The following LIMCH1 variants were observed in gnomAD, a reference collection of about 807,000 sequenced individuals.
LIMCH1 encodes the protein LIM and calponin homology domains-containing protein 1.
Under a neutral mutation model 176.5 loss-of-function variants are expected in LIMCH1, and 113 were observed. That is an observed-to-expected ratio of 0.64 (90% CI 0.55 to 0.75). The LOEUF (loss-of-function observed/expected upper bound fraction) is 0.75, where lower values mean the gene tolerates loss of function less well. LIMCH1 is among the 30% of genes least tolerant of loss of function. The pLI is 0.00. For missense variants in LIMCH1, 1,674 were observed against 1,814.9 expected, an observed-to-expected ratio of 0.92 and a Z score of 1.41; for synonymous variants, 619 against 645.9, an observed-to-expected ratio of 0.96 and a Z score of 0.63.
rs528562398 is a variant in LIMCH1 at position 41,503,948 on chromosome 4, G to A, written c.167+9342G>A. Among the ~76,000 whole-genome samples the A allele has an allele frequency of 5.3e-5, 8 of 152,154 alleles. 1 individual carries two copies. Among genetic ancestry groups the A allele is most frequent in the African/African-American group, 1.4e-4 (6 of 41,500 alleles). Reference sequence around the variant, plus strand: ...CACGTTTCCCAACTCTTCTGCCTCCGAGCACTTGGAGTTGCGAGAGAGACC... The same window carrying A: ...CACGTTTCCCAACTCTTCTGCCTCCAAGCACTTGGAGTTGCGAGAGAGACC... On this transcript the variant is annotated intron_variant, in intron 2 of 26. Coordinates refer to the LIMCH1 transcript ENST00000313860.
chr4:41,489,092 C>T (rs1406876264), intron 1 of LIMCH1, among the ~76,000 whole-genome samples: 10 of 151,992 alleles, frequency 6.6e-5, no homozygotes, highest in Admixed American at 6.6e-4. Context: ...TCTTGTTATC[C>T]TTTTAGTATC....
chr4:41,563,203 C>T (rs1040421382), intron 1 of LIMCH1, among the ~76,000 whole-genome samples: 1 of 152,108 alleles, frequency 6.6e-6, no homozygotes, highest in Non-Finnish European at 1.5e-5. Context: ...GTCACAGAGC[C>T]TCTCCCATAC....
At chr4:41,614,174 C>T (rs2152802121) in intron 5 of LIMCH1, among the ~76,000 whole-genome samples, 1 of 152,344 alleles carries the variant, frequency 6.6e-6, no homozygotes, top group East Asian at 1.9e-4. Context: ...TGATACCTGA[C>T]TGGTATAGCT....
intron 1 of LIMCH1, among the ~76,000 whole-genome samples, chr4:41,595,513 A>G (rs891354761): frequency 6.6e-6 from 1 of 152,236 alleles, no homozygotes; most frequent in African/African-American, 2.4e-5. Context: ...CTACTCCTCT[A>G]GAAAATGGAG....
intron 26 of LIMCH1, among the ~76,000 whole-genome samples, chr4:41,682,907 C>T (rs1717424101): frequency 6.6e-6 from 1 of 152,094 alleles, no homozygotes; most frequent in Non-Finnish European, 1.5e-5. Context: ...GAACTCCTGA[C>T]CTCAGGTGAT....
chr4:41,436,605 TA>T (rs1275143547), intron 1 of LIMCH1, among the ~76,000 whole-genome samples: 3 of 152,154 alleles, frequency 2.0e-5, no homozygotes, highest in Non-Finnish European at 1.5e-5. Context: ...GTAAAGTGAT[TA>T]AAATAATGGC....
intron 19 of LIMCH1, among the ~76,000 whole-genome samples, chr4:41,662,379 C>G (rs980642631): frequency 1.3e-5 from 2 of 152,058 alleles, no homozygotes; most frequent in African/African-American, 2.4e-5. Context: ...TAACACATTC[C>G]AATTAAGAAA....
At chr4:41,367,680 A>C (rs553970969) in intron 1 of LIMCH1, among the ~76,000 whole-genome samples, 1 of 132,546 alleles carries the variant, frequency 7.5e-6, no homozygotes, top group Non-Finnish European at 1.6e-5. Context: ...CTCTACTAAA[A>C]ATCCAAAAAA....
At chr4:41,456,068 T>G (rs964226082) in intron 1 of LIMCH1, among the ~76,000 whole-genome samples, 1 of 152,172 alleles carries the variant, frequency 6.6e-6, no homozygotes, top group East Asian at 1.9e-4. Flanking sequence ...CCTGCATGAG[T>G]TCTTGTAATA....
chr4:41,548,297 C>T (rs138013898), intron 1 of LIMCH1, among the ~76,000 whole-genome samples: 5 of 152,026 alleles, frequency 3.3e-5, no homozygotes, highest in Non-Finnish European at 4.4e-5. Flanking sequence ...TTGTAAAATG[C>T]GAGTGTTGAA....
chr4:41,619,065 T>A, intron 5 of LIMCH1, 123 bp from the exon 6 acceptor site: 1 of 1,105,956 alleles, frequency 9.0e-7, no homozygotes, highest in Non-Finnish European at 1.3e-6. Flanking sequence ...ATTTGTTAAG[T>A]GAATGATTTA....
chr4:41,634,259 G>A (rs1377822570), intron 13 of LIMCH1, among the ~76,000 whole-genome samples: 1 of 152,198 alleles, frequency 6.6e-6, no homozygotes, highest in Non-Finnish European at 1.5e-5. Context: ...TTGACTTAGA[G>A]TCAACCATGA....
rs1050392780 is a variant in LIMCH1 at position 41,633,774 on chromosome 4, G to T, written c.2056G>T (p.Glu686Ter). Reference protein sequence around the residue: ...VPFAKQQDVEESSKGLPMKDQ... With the variant: ...VPFAKQQDVE ...ATTTGCAAAGCAACAGGATGTGGAAGAATCTTCTAAAGGTCTACCCATGAA... is the reference window on the plus strand; with the variant it reads ...ATTTGCAAAGCAACAGGATGTGGAATAATCTTCTAAAGGTCTACCCATGAA... Residue 686 changes from glutamate (E) to a stop codon, truncating the protein, a stop_gained, in exon 13 of 32, where the codon GAA (glutamate) becomes TAA (stop). Coordinates refer to ENST00000503057, the MANE Select transcript of LIMCH1 (RefSeq NM_001330672.2). LOFTEE classifies it high-confidence loss of function. 3.3e-6 allele frequency: 5 copies of T among 1,536,204 alleles called. No homozygotes were observed. The highest frequency in any genetic ancestry group is 4.4e-6 in the Non-Finnish European group (5 of 1,146,930).
intron 1 of LIMCH1, among the ~76,000 whole-genome samples, chr4:41,463,905 T>A (rs1046686761): frequency 6.6e-6 from 1 of 151,966 alleles, no homozygotes; most frequent in African/African-American, 2.4e-5. Context: ...TTTGTAGGGA[T>A]GAGGTCTCAC....
intron 5 of LIMCH1, among the ~76,000 whole-genome samples, chr4:41,617,308 C>T (rs1464129025): frequency 6.6e-6 from 1 of 152,134 alleles, no homozygotes; most frequent in South Asian, 2.1e-4. Context: ...GAGGAAAGAA[C>T]TTTGGGAGTC....
chr4:41,536,766 G>C (rs181274000), upstream of LIMCH1, among the ~76,000 whole-genome samples: 1 of 152,204 alleles, frequency 6.6e-6, no homozygotes, highest in East Asian at 1.9e-4. Context: ...GAGAAACAAG[G>C]AAAGTCCAGA....
At chr4:41,661,783 G>T in intron 19 of LIMCH1, 1 of 425,092 alleles carries the variant, frequency 2.4e-6, no homozygotes, top group Non-Finnish European at 4.2e-6. Flanking sequence ...AAAGAATATT[G>T]TGTTCTTCCA....
chr4:41,648,251 T>A (rs972465430), intron 17 of LIMCH1, among the ~76,000 whole-genome samples: 1 of 152,224 alleles, frequency 6.6e-6, no homozygotes, highest in African/African-American at 2.4e-5. Flanking sequence ...CCAAACATTC[T>A]AGATGTCCAC....
At chr4:41,602,116 G>A (rs1382563184) in intron 2 of LIMCH1, among the ~76,000 whole-genome samples, 1 of 108,766 alleles carries the variant, frequency 9.2e-6, no homozygotes, top group Non-Finnish European at 1.8e-5. Context: ...GAAGAAACTT[G>A]AGTAGACCAA....
Sources: gnomAD v4.1 joint callset for allele counts (sites outside exome capture counted in the v4.1 genomes callset) on GRCh38, gnomAD v4.1.1 for gene constraint, MANE v1.5 for transcripts, NCBI Gene and HGNC (gene_info 2026-07-23, HGNC 2026-07-21) for gene names.